The following FRAS1 variants were observed in gnomAD, a reference collection of about 807,000 sequenced individuals.
FRAS1 encodes extracellular matrix organizing protein FRAS1.
In FRAS1, 290 loss-of-function variants were observed where a neutral mutation model predicts 435.2. The observed-to-expected ratio is 0.67, with a 90% CI of 0.61 to 0.73. The LOEUF is 0.73. Ranked by LOEUF, FRAS1 falls within the 30% of genes least tolerant of loss-of-function variation. The pLI is 0.00. For synonymous variants in FRAS1, 1,800 were observed against 1,851.0 expected (o/e 0.97, Z 0.71); for missense variants, 4,860 against 5,001.5 (o/e 0.97, Z 0.85).
intron 2 of FRAS1, among the ~76,000 whole-genome samples, chr4:78,168,379 GT>G (rs545700240): frequency 6.6e-6 from 1 of 151,072 alleles, no homozygotes; most frequent in Middle Eastern, 3.4e-3. Context: ...GACAAAAGAT[GT>G]TTTTTTTTGT....
chr4:78,483,948 C>G (rs924731776), intron 58 of FRAS1, among the ~76,000 whole-genome samples: 1 of 151,690 alleles, frequency 6.6e-6, no homozygotes, highest in African/African-American at 2.4e-5. Flanking sequence ...GTGTACAGTT[C>G]TATGAGTTTT....
intron 47 of FRAS1, among the ~76,000 whole-genome samples, chr4:78,456,151 T>TTTTC (rs1363690683): frequency 1.4e-5 from 2 of 142,834 alleles, no homozygotes; most frequent in South Asian, 2.3e-4. Context: ...TTTTTTTTTT[T>TTTTC]TTTTTTTTTT....
chr4:78,482,758 G>C (rs1720051914), intron 58 of FRAS1, among the ~76,000 whole-genome samples: 1 of 152,138 alleles, frequency 6.6e-6, no homozygotes. Context: ...AGATGTATAA[G>C]CCTTGGGCCC....
chr4:78,537,154 G>A lies in FRAS1; in HGVS notation c.11252G>A (p.Gly3751Glu), dbSNP rs1484025134. Residue 3751 changes from glycine (G) to glutamate (E), a missense_variant, in exon 72 of 74, where the codon GGA becomes GAA. Physicochemically the swap from Gly to Glu is moderately conservative, Grantham distance 98. Coordinates refer to ENST00000512123, the MANE Select transcript of FRAS1 (RefSeq NM_025074.7). ...GTIYNEGPQY[G>E]CIQPNKHLKH... ...ATCTACAATGAAGGGCCCCAGTATG[G>A]ATGCATTCAGCCAAACAAACACCTA... The A allele has an allele frequency of 8.1e-6, 13 of 1,613,898 alleles. No homozygotes were observed. Among genetic ancestry groups the A allele is most frequent in the Non-Finnish European group, 1.1e-5 (13 of 1,179,906 alleles).
chr4:78,252,080 T>C (rs1725557732), intron 4 of FRAS1, among the ~76,000 whole-genome samples: 1 of 152,210 alleles, frequency 6.6e-6, no homozygotes, highest in Non-Finnish European at 1.5e-5. Flanking sequence ...GAATTGGGGC[T>C]TTATAGAATG....
At chr4:78,293,819 C>T (rs1728017448) in intron 14 of FRAS1, among the ~76,000 whole-genome samples, 1 of 152,202 alleles carries the variant, frequency 6.6e-6, no homozygotes, top group African/African-American at 2.4e-5. Flanking sequence ...GGGACCTTTG[C>T]TTTGGCAGGA....
intron 20 of FRAS1, among the ~76,000 whole-genome samples, chr4:78,360,413 A>ATC (rs1174317438): frequency 6.6e-6 from 1 of 152,160 alleles, no homozygotes; most frequent in Non-Finnish European, 1.5e-5. Flanking sequence ...TGTAGAGAAA[A>ATC]GTTTTTAGGA....
chr4:78,473,631 A>T, intron 53 of FRAS1, 34 bp downstream of exon 53: 1 of 1,529,568 alleles, frequency 6.5e-7, no homozygotes. Flanking sequence ...TTCTTGAGAA[A>T]TCAATCAGGC....
At chr4:78,207,288 C>G (rs1723301867) in intron 2 of FRAS1, among the ~76,000 whole-genome samples, 1 of 152,204 alleles carries the variant, frequency 6.6e-6, no homozygotes, top group South Asian at 2.1e-4. Context: ...CAGCAGAAGT[C>G]AGGCTTGCCA....
chr4:78,518,566 A>T (rs1721291423), intron 66 of FRAS1, among the ~76,000 whole-genome samples: 1 of 151,882 alleles, frequency 6.6e-6, no homozygotes, highest in Admixed American at 6.6e-5. Flanking sequence ...AGCTTCTGCT[A>T]CCATTCTGTT....
At chr4:78,468,105 T>C (rs1437011595) in intron 50 of FRAS1, among the ~76,000 whole-genome samples, 1 of 152,202 alleles carries the variant, frequency 6.6e-6, no homozygotes, top group Non-Finnish European at 1.5e-5. Flanking sequence ...ATTTTCACTT[T>C]GGTTTCCTGT....
chr4:78,515,851 C>G lies in FRAS1; in HGVS notation c.10227C>G (p.Gly3409=). Residue 3409 remains glycine, a synonymous_variant, in exon 66 of 74, where the codon GGC becomes GGG. Transcript: ENST00000512123. ...VVYDSTALGP[G]YDRPFQFDPS... is the part of the protein sequence containing the mutation. ...ATGATAGCACTGCCCTGGGGCCTGG[C>G]TACGATCGCCCCTTCCAGTTTGACC... The G allele has an allele frequency of 6.2e-7, 1 of 1,614,048 alleles. No homozygotes were observed. Among genetic ancestry groups the G allele is most frequent in the East Asian group, 2.2e-5 (1 of 44,880 alleles).
intron 63 of FRAS1, among the ~76,000 whole-genome samples, chr4:78,510,808 T>C (rs1312124854): frequency 6.6e-6 from 1 of 152,098 alleles, no homozygotes; most frequent in Non-Finnish European, 1.5e-5. Flanking sequence ...GGTAGGGAGA[T>C]GGGATGATCG....
intron 33 of FRAS1, among the ~76,000 whole-genome samples, chr4:78,421,045 G>A (rs576726625): frequency 1.3e-4 from 20 of 151,810 alleles, no homozygotes; most frequent in Admixed American, 2.6e-4. Context: ...CTTGGAGTCC[G>A]ATGTTCAAGG....
intron 2 of FRAS1, among the ~76,000 whole-genome samples, chr4:78,206,031 G>C (rs1449799786): frequency 6.6e-6 from 1 of 152,152 alleles, no homozygotes; most frequent in Non-Finnish European, 1.5e-5. Context: ...CATGCTACCT[G>C]TGACAGGGTG....
intron 18 of FRAS1, among the ~76,000 whole-genome samples, chr4:78,325,238 C>G (rs1224374775): frequency 1.3e-5 from 2 of 152,106 alleles, no homozygotes; most frequent in Non-Finnish European, 2.9e-5. Context: ...CACAAAATTG[C>G]TACAGGTTTA....
At chr4:78,308,937 C>G (rs556653335) in intron 15 of FRAS1, among the ~76,000 whole-genome samples, 3 of 152,162 alleles carry the variant, frequency 2.0e-5, no homozygotes, top group Non-Finnish European at 4.4e-5. Flanking sequence ...CATGTGTTCC[C>G]TTGAATGGCA....
chr4:78,425,111 T>G (rs11733051), intron 35 of FRAS1, among the ~76,000 whole-genome samples: 5 of 122,314 alleles, frequency 4.1e-5, no homozygotes, highest in Admixed American at 1.6e-4. Flanking sequence ...ATAATAATAA[T>G]AATAATAATA....
At chr4:78,387,255 G>A in intron 28 of FRAS1, 120 bp from the exon 29 acceptor site, 1 of 715,886 alleles carries the variant, frequency 1.4e-6, no homozygotes, top group East Asian at 2.7e-5. Context: ...GAACAGTTTG[G>A]TGCTTTGCTA....
Sources: gnomAD v4.1 joint callset for allele counts (sites outside exome capture counted in the v4.1 genomes callset) on GRCh38, gnomAD v4.1.1 for gene constraint, MANE v1.5 for transcripts, NCBI Gene and HGNC (gene_info 2026-07-23, HGNC 2026-07-21) for gene names.